The following CAST variants were observed in gnomAD, a reference collection of about 807,000 sequenced individuals.
CAST encodes MIR583 host.
In CAST, 76 loss-of-function variants were observed where a neutral mutation model predicts 119.6. That is an observed-to-expected ratio of 0.64 (90% confidence interval 0.53 to 0.77). The LOEUF (loss-of-function observed/expected upper bound fraction) is 0.77. CAST is among the 30% of genes least tolerant of loss of function. The probability of loss-of-function intolerance (pLI) is 0.00; values close to 1 mark genes in which losing one functional copy is unlikely to be tolerated. For synonymous variants in CAST, 319 were observed against 331.6 expected, an observed-to-expected ratio of 0.96 and a Z score of 0.41; for missense variants, 953 against 946.5, an observed-to-expected ratio of 1.01 and a Z score of -0.09.
At chr5:96,164,783 CA>C in the CAST span, among the ~76,000 whole-genome samples, 1 of 152,118 alleles carries the variant, frequency 6.6e-6, no homozygotes, top group African/African-American at 2.4e-5. Context: ...GCCAAGAATG[CA>C]AATAAATGCC....
chr5:96,724,208 G>T (rs1302338214), intron 4 of CAST, among the ~76,000 whole-genome samples: 1 of 151,782 alleles, frequency 6.6e-6, no homozygotes, highest in African/African-American at 2.4e-5. Flanking sequence ...TTGAGGCAGG[G>T]TCTCGCTCTG....
At chr5:96,217,889 G>A in the CAST span, among the ~76,000 whole-genome samples, 3 of 152,164 alleles carry the variant, frequency 2.0e-5, no homozygotes, top group South Asian at 2.1e-4. Flanking sequence ...CATTGGTTAC[G>A]AGGGTCTGTT....
At chr5:96,451,045 A>G in the CAST span, among the ~76,000 whole-genome samples, 1 of 152,164 alleles carries the variant, frequency 6.6e-6, no homozygotes, top group African/African-American at 2.4e-5. Flanking sequence ...ATCCACCAAG[A>G]TCTGACCTAT....
the CAST span, among the ~76,000 whole-genome samples, chr5:96,142,076 T>C: frequency 1.3e-5 from 2 of 152,224 alleles, no homozygotes; most frequent in Admixed American, 1.3e-4. Context: ...CTCATTAATT[T>C]GGTCAATGTA....
chr5:96,567,842 A>T (rs1746500110), intron 1 of CAST, among the ~76,000 whole-genome samples: 1 of 152,224 alleles, frequency 6.6e-6, no homozygotes, highest in Non-Finnish European at 1.5e-5. Context: ...AGGGGATGAC[A>T]GGGACAAGGT....
At chr5:96,021,571 A>G in the CAST span, among the ~76,000 whole-genome samples, 203 of 151,842 alleles carry the variant, frequency 1.3e-3, no homozygotes, top group African/African-American at 3.3e-3. Flanking sequence ...TCAGCCTCCC[A>G]AGTAGCTGGG....
chr5:96,326,212 G>T, the CAST span, among the ~76,000 whole-genome samples: 1 of 152,198 alleles, frequency 6.6e-6, no homozygotes, highest in African/African-American at 2.4e-5. Context: ...CTGCTGCTTT[G>T]CTGAGTTCCT....
At chr5:96,097,354 C>CT in the CAST span, among the ~76,000 whole-genome samples, 1 of 142,022 alleles carries the variant, frequency 7.0e-6, no homozygotes, top group Non-Finnish European at 1.5e-5. Context: ...TTAACTTTTA[C>CT]TTTAAGTTCA....
intron 1 of CAST, among the ~76,000 whole-genome samples, chr5:96,551,617 G>T (rs1334247347): frequency 4.0e-5 from 6 of 151,856 alleles, no homozygotes; most frequent in African/African-American, 1.5e-4. Context: ...AAGAGACAAA[G>T]ACTGGCAAAT....
In CAST at chr5:96,710,385, C is replaced by T. The variant is rs868352234; in HGVS notation, c.211-12254C>T. On this transcript the variant is annotated intron_variant, in intron 3 of 31. Transcript: ENST00000675179. ...TTTAAATTACCTAAAAGTGATTCTCCATGTCTGGGAATTTTAGAATTACGT... is the reference window on the plus strand; with the variant it reads ...TTTAAATTACCTAAAAGTGATTCTCTATGTCTGGGAATTTTAGAATTACGT... Among the ~76,000 whole-genome samples, 4 of 152,250 alleles carry T rather than the reference C, an allele frequency of 2.6e-5. No individual in the cohort carries two copies. The South Asian group carries it at 6.2e-4, about 24-fold the overall frequency.
chr5:96,043,480 A>G, the CAST span, among the ~76,000 whole-genome samples: 1 of 152,094 alleles, frequency 6.6e-6, no homozygotes, highest in Non-Finnish European at 1.5e-5. Context: ...AACTAAAACT[A>G]TTTTCTTATC....
chr5:96,298,882 G>GTGTGTGTGTA, the CAST span, among the ~76,000 whole-genome samples: 1 of 151,260 alleles, frequency 6.6e-6, no homozygotes, highest in African/African-American at 2.4e-5. Flanking sequence ...TTAGGAGAGT[G>GTGTGTGTGTA]TGTGTGTGTG....
At chr5:96,530,811 A>C (rs531526877) in intron 1 of CAST, among the ~76,000 whole-genome samples, 29 of 152,174 alleles carry the variant, frequency 1.9e-4, no homozygotes, top group Non-Finnish European at 3.5e-4. Flanking sequence ...TTTTCTCTTG[A>C]GAATGGCTCT....
At chr5:96,245,271 G>T in the CAST span, among the ~76,000 whole-genome samples, 1 of 152,152 alleles carries the variant, frequency 6.6e-6, no homozygotes, top group African/African-American at 2.4e-5. Context: ...TGGCAGTAAG[G>T]TTTTAGACAC....
chr5:96,125,972 A>G, the CAST span, among the ~76,000 whole-genome samples: 1 of 152,170 alleles, frequency 6.6e-6, no homozygotes, highest in Non-Finnish European at 1.5e-5. Flanking sequence ...TAAATTCTAC[A>G]GAGTACTTAC....
At chr5:96,371,413 G>A in the CAST span, among the ~76,000 whole-genome samples, 2 of 152,218 alleles carry the variant, frequency 1.3e-5, no homozygotes, top group Non-Finnish European at 2.9e-5. Flanking sequence ...GATGAGGAAT[G>A]GGGCAGAGGC....
the CAST span, among the ~76,000 whole-genome samples, chr5:95,997,786 T>C: frequency 6.6e-6 from 1 of 151,976 alleles, no homozygotes; most frequent in Non-Finnish European, 1.5e-5. Flanking sequence ...TATGCCATAG[T>C]TTTCTGGATC....
At chr5:96,499,980 A>G in the CAST span, among the ~76,000 whole-genome samples, 1 of 152,152 alleles carries the variant, frequency 6.6e-6, no homozygotes, top group South Asian at 2.1e-4. Flanking sequence ...TGTGTGCCTC[A>G]GGGAATAGGG....
chr5:96,332,113 A>G, the CAST span, among the ~76,000 whole-genome samples: 1 of 152,236 alleles, frequency 6.6e-6, no homozygotes, highest in Non-Finnish European at 1.5e-5. Flanking sequence ...GGAAAATCAA[A>G]TATGCCCATC....
Sources: gnomAD v4.1 joint callset for allele counts (sites outside exome capture counted in the v4.1 genomes callset) on GRCh38, gnomAD v4.1.1 for gene constraint, MANE v1.5 for transcripts, NCBI Gene and HGNC (gene_info 2026-07-23, HGNC 2026-07-21) for gene names.